CNTN5: variants seen among roughly 807,000 people sequenced by gnomAD.
The protein encoded by CNTN5 is contactin-5.
A neutral mutation model predicts 129.1 loss-of-function variants in CNTN5; 77 were observed. The ratio of observed to expected loss-of-function variants is 0.60; its 90% CI spans 0.50 to 0.72. The LOEUF (loss-of-function observed/expected upper bound fraction) is 0.72, where lower values mean the gene tolerates loss of function less well. Ranked by LOEUF, CNTN5 falls within the 30% of genes least tolerant of loss-of-function variation. The probability of loss-of-function intolerance (pLI) is 0.00; values close to 1 mark genes in which losing one functional copy is unlikely to be tolerated. For missense variants in CNTN5, 1,478 were observed against 1,328.8 expected, an observed-to-expected ratio of 1.11 and a Z score of -1.75; for synonymous variants, 509 against 465.6, an observed-to-expected ratio of 1.09 and a Z score of -1.20.
At position 100,123,772 on chromosome 11, in the gene CNTN5, T is replaced by C. The variant is rs1056567893; in HGVS notation, c.1580+49478T>C. On this transcript the variant is annotated intron_variant, in intron 13 of 24. Transcript: ENST00000524871. ...ATGCAATTAAATGGGTTCGGTGGAT[T>C]ATAAATATATTGATTATAAAAATAT... Among the ~76,000 whole-genome samples the C allele has an allele frequency of 8.6e-5, 13 of 152,022 alleles. 1 individual carries two copies. The South Asian group carries it at 2.1e-3, about 24-fold the overall frequency.
chr11:100,189,686 T>C (rs1241952570), intron 13 of CNTN5, among the ~76,000 whole-genome samples: 1 of 152,110 alleles, frequency 6.6e-6, no homozygotes, highest in African/African-American at 2.4e-5. Context: ...ATAAATAACA[T>C]TTCATTTTCA....
At chr11:99,717,067 A>G (rs1185660970) in intron 3 of CNTN5, among the ~76,000 whole-genome samples, 1 of 151,848 alleles carries the variant, frequency 6.6e-6, no homozygotes, top group Non-Finnish European at 1.5e-5. Flanking sequence ...TTTGCTTTTT[A>G]CTCTATAGAA....
chr11:99,438,759 C>T (rs1264145048), intron 2 of CNTN5, among the ~76,000 whole-genome samples: 1 of 152,048 alleles, frequency 6.6e-6, no homozygotes, highest in African/African-American at 2.4e-5. Flanking sequence ...TGCATCAATC[C>T]AGAGTTTTTT....
At chr11:99,778,135 T>C (rs1565519705) in intron 3 of CNTN5, among the ~76,000 whole-genome samples, 1 of 151,904 alleles carries the variant, frequency 6.6e-6, no homozygotes. Flanking sequence ...TTAAGCCTTG[T>C]TCTCTATTAA....
chr11:99,422,286 C>G (rs1404117963), intron 2 of CNTN5, among the ~76,000 whole-genome samples: 1 of 151,682 alleles, frequency 6.6e-6, no homozygotes, highest in Non-Finnish European at 1.5e-5. Flanking sequence ...AAGTGAAAAG[C>G]TTGATATTTT....
At chr11:99,087,642 C>A (rs752101149) in intron 1 of CNTN5, among the ~76,000 whole-genome samples, 1 of 152,156 alleles carries the variant, frequency 6.6e-6, no homozygotes, top group Non-Finnish European at 1.5e-5. Flanking sequence ...TCCGTTAGGA[C>A]CCAGAGTATA....
At chr11:99,091,021 CAAAAA>C (rs68113369) in intron 1 of CNTN5, among the ~76,000 whole-genome samples, 1 of 56,754 alleles carries the variant, frequency 1.8e-5, no homozygotes, top group African/African-American at 7.3e-5. Flanking sequence ...GACTCCGTCT[CAAAAA>C]AAAAAAAAAA....
intron 1 of CNTN5, among the ~76,000 whole-genome samples, chr11:99,272,481 C>A (rs1824712043): frequency 6.6e-6 from 1 of 151,790 alleles, no homozygotes. Flanking sequence ...ACTCCTCGAA[C>A]AATCCTCCCA....
chr11:99,519,812 G>T (rs547121266), intron 2 of CNTN5, among the ~76,000 whole-genome samples: 1 of 152,198 alleles, frequency 6.6e-6, no homozygotes, highest in Non-Finnish European at 1.5e-5. Context: ...TGTCAAAAGA[G>T]TTGATATGCC....
chr11:99,615,764 T>C (rs893861947), intron 3 of CNTN5, among the ~76,000 whole-genome samples: 12 of 152,024 alleles, frequency 7.9e-5, no homozygotes, highest in Admixed American at 6.6e-4. Flanking sequence ...CTTGTTTTTT[T>C]TTTTTAATTT....
At chr11:99,922,533 C>T (rs910029815) in intron 7 of CNTN5, among the ~76,000 whole-genome samples, 8 of 152,102 alleles carry the variant, frequency 5.3e-5, no homozygotes, top group Non-Finnish European at 1.0e-4. Flanking sequence ...AATCTTAGAC[C>T]CAAGTTTCTG....
intron 2 of CNTN5, among the ~76,000 whole-genome samples, chr11:99,475,675 A>G (rs1443456243): frequency 6.6e-6 from 1 of 152,124 alleles, no homozygotes; most frequent in African/African-American, 2.4e-5. Flanking sequence ...CTAGTATGAC[A>G]TCATTAAATA....
At chr11:99,601,727 C>A (rs1347423660) in intron 3 of CNTN5, among the ~76,000 whole-genome samples, 1 of 152,156 alleles carries the variant, frequency 6.6e-6, no homozygotes, top group Non-Finnish European at 1.5e-5. Context: ...CATCTCTGTT[C>A]TCCAACGCCC....
intron 9 of CNTN5, among the ~76,000 whole-genome samples, chr11:100,060,120 G>A (rs1943401938): frequency 6.6e-6 from 1 of 151,426 alleles, no homozygotes; most frequent in Admixed American, 6.6e-5. Flanking sequence ...TGAGGCAGGA[G>A]AATTGCTTCC....
intron 1 of CNTN5, among the ~76,000 whole-genome samples, chr11:99,091,425 G>A (rs547902658): frequency 5.3e-5 from 8 of 152,316 alleles, no homozygotes; most frequent in Non-Finnish European, 1.2e-4. Context: ...TGAAAGGTCT[G>A]TAAGGCACAA....
At chr11:99,751,531 A>G (rs1944235379) in intron 3 of CNTN5, among the ~76,000 whole-genome samples, 1 of 152,176 alleles carries the variant, frequency 6.6e-6, no homozygotes, top group African/African-American at 2.4e-5. Flanking sequence ...CCAAAGGAGA[A>G]TTTACCCACC....
chr11:99,447,990 A>G (rs1290759350), intron 2 of CNTN5, among the ~76,000 whole-genome samples: 2 of 152,198 alleles, frequency 1.3e-5, no homozygotes, highest in African/African-American at 2.4e-5. Context: ...TCAATTCATT[A>G]TTGTAGAGAA....
intron 1 of CNTN5, among the ~76,000 whole-genome samples, chr11:99,096,639 T>C (rs1866478097): frequency 6.6e-6 from 1 of 151,868 alleles, no homozygotes; most frequent in Non-Finnish European, 1.5e-5. Flanking sequence ...AGTCTGACAG[T>C]AGGACCCAGT....
intron 3 of CNTN5, among the ~76,000 whole-genome samples, chr11:99,675,061 G>A (rs1953215651): frequency 6.6e-6 from 1 of 152,008 alleles, no homozygotes; most frequent in Non-Finnish European, 1.5e-5. Context: ...GCTGACACTA[G>A]GGATGCCTCT....
Sources: allele counts gnomAD v4.1 joint callset (sites outside exome capture counted in the v4.1 genomes callset), GRCh38; gene constraint gnomAD v4.1.1; transcripts MANE v1.5; gene names NCBI Gene and HGNC (gene_info 2026-07-23, HGNC 2026-07-21).